ENSA: variants seen among roughly 807,000 people sequenced by gnomAD.
The protein encoded by ENSA is endosulfine alpha.
ENSA carries 7 observed loss-of-function variants against 16.8 expected under a neutral mutation model. The ratio of observed to expected loss-of-function variants is 0.42; its 90% CI spans 0.24 to 0.78. ENSA has a LOEUF of 0.78. Among genes scored for constraint, ENSA ranks in the 30% least tolerant of loss-of-function variants. The pLI is 0.29. For missense variants in ENSA, 87 were observed against 142.3 expected (o/e 0.61, Z 1.98); for synonymous variants, 58 against 53.4 (o/e 1.09, Z -0.37).
chr1:150,626,570 T>G, intron 2 of ENSA: 1 of 1,536,278 alleles, frequency 6.5e-7, no homozygotes, highest in Non-Finnish European at 8.9e-7. Flanking sequence ...AAAAAATTTT[T>G]TTTTGAGATG....
In ENSA at chr1:150,625,795, TCAAAGTA is replaced by T. The variant is rs1345506572; in HGVS notation, c.190_196del (p.Tyr64ThrfsTer12). ...TTTGGCCATGTTGTAGTCTCCTGAG[TCAAAGTA>T]CTTTTGCTAAGAGATAAGAGGGAGG... On this transcript the variant is annotated frameshift_variant, in exon 3 of 4. Transcript: ENST00000369014. LOFTEE classifies it high-confidence loss of function. 1 of 1,603,112 alleles carries T rather than the reference TCAAAGTA, an allele frequency of 6.2e-7. No individual in the cohort carries two copies. Among genetic ancestry groups the T allele is most frequent in the Non-Finnish European group, 8.5e-7 (1 of 1,174,238 alleles).
At chr1:150,627,108 G>A in intron 2 of ENSA, 3 of 1,399,596 alleles carry the variant, frequency 2.1e-6, no homozygotes, top group Non-Finnish European at 2.8e-6. Context: ...CTGAAATGAT[G>A]CATCCCAAAA....
chr1:150,623,068 C>A (rs764601418), intron 3 of ENSA, among the ~76,000 whole-genome samples: 2 of 152,150 alleles, frequency 1.3e-5, no homozygotes, highest in Non-Finnish European at 2.9e-5. Flanking sequence ...CACGAAACAA[C>A]GTTATCTGCC....
In ENSA at chr1:150,627,451, A is replaced by G; in HGVS notation, c.183+16T>C. ...TTTAGCTCCAAAGAAAGAGGGTAAG[A>G]GACTATGCCCCATACCCCTTTCTGG... On this transcript the variant is annotated intron_variant, in intron 2 of 3. Coordinates refer to ENST00000369014, the MANE Select transcript of ENSA (RefSeq NM_004436.4). 6.2e-7 allele frequency: 1 copy of G among 1,614,244 alleles called. No homozygotes were observed. The highest frequency in any genetic ancestry group is 8.5e-7 in the Non-Finnish European group (1 of 1,180,048).
At chr1:150,624,900 T>C (rs587673973) in intron 3 of ENSA, 2 of 968,608 alleles carry the variant, frequency 2.1e-6, no homozygotes, top group Admixed American at 6.1e-5. Flanking sequence ...ACAACAGCTC[T>C]GCTGGGACTG....
chr1:150,626,643 G>A (rs1395923102), intron 2 of ENSA: 34 of 690,080 alleles, frequency 4.9e-5, no homozygotes, highest in Non-Finnish European at 7.3e-5. Context: ...TGCAAGCTCC[G>A]CCTCCCGGGT....
intron 2 of ENSA, chr1:150,627,079 G>A: frequency 2.2e-6 from 3 of 1,335,116 alleles, no homozygotes; most frequent in Non-Finnish European, 2.9e-6. Context: ...TTCTGTAGGA[G>A]AGATGGTTTG....
intron 2 of ENSA, among the ~76,000 whole-genome samples, chr1:150,626,282 AG>A (rs1445213928): frequency 6.6e-6 from 1 of 152,222 alleles, no homozygotes; most frequent in Non-Finnish European, 1.5e-5. Context: ...CTCCCAGACC[AG>A]GAATAGAAAC....
intron 1 of ENSA, 44 bp downstream of exon 1, chr1:150,629,370 T>C: frequency 6.2e-7 from 1 of 1,600,952 alleles, no homozygotes; most frequent in African/African-American, 1.3e-5. Flanking sequence ...TCCCGCCCCA[T>C]CACGGTCTCC....
At position 150,624,933 on chromosome 1, in the gene ENSA, C is replaced by T. The variant is rs1649198676; in HGVS notation, c.350+709G>A. On this transcript the variant is annotated intron_variant, in intron 3 of 3. Coordinates refer to ENST00000369014, the MANE Select transcript of ENSA (RefSeq NM_004436.4). ...CTGAGTAGAGTGAGAACCCAGATAT[C>T]TTGACTCCTAAACCAGTGCTCGTCC... The T allele has an allele frequency of 6.1e-6, 6 of 980,978 alleles. No individual in the cohort carries two copies. The South Asian group carries it at 2.4e-4, about 39-fold the overall frequency. 60.8% of individuals were successfully genotyped at this position (980,978 alleles called of 1,614,324 possible).
intron 2 of ENSA, among the ~76,000 whole-genome samples, chr1:150,626,086 A>G (rs760479390): frequency 6.6e-6 from 1 of 152,204 alleles, no homozygotes; most frequent in Non-Finnish European, 1.5e-5. Context: ...TTTGTACTCC[A>G]CTCAGTAGAG....
chr1:150,628,951 C>G, intron 1 of ENSA: 2 of 1,174,412 alleles, frequency 1.7e-6, no homozygotes, highest in Non-Finnish European at 1.3e-6. Context: ...ATTATAATAA[C>G]TACACTTCTC....
At position 150,624,853 on chromosome 1, in the gene ENSA, G is replaced by T. The variant is rs587597954; in HGVS notation, c.350+789C>A. On this transcript the variant is annotated intron_variant, in intron 3 of 3. Transcript: ENST00000369014. The stretch of plus-strand genomic sequence containing the variant: ...ACTCTATTTTACAGATGAGGAAATA[G>T]AAATCCAGAGAGGCTAAATGACTTA... The T allele has an allele frequency of 2.2e-5, 21 of 975,032 alleles. No homozygotes were observed. In the South Asian group the frequency reaches 9.5e-4, roughly 44 times the overall value. 60.4% of individuals were successfully genotyped at this position (975,032 alleles called of 1,614,324 possible). A position where few individuals can be genotyped will look rare whatever the true frequency, so the allele number is the denominator to read the frequency against.
chr1:150,626,754 C>A (rs974439761), intron 2 of ENSA, among the ~76,000 whole-genome samples: 3 of 152,164 alleles, frequency 2.0e-5, no homozygotes, highest in African/African-American at 7.2e-5. Flanking sequence ...GACGGGGTTT[C>A]ACTATGGTCT....
chr1:150,623,302 T>G, intron 3 of ENSA: 1 of 991,462 alleles, frequency 1.0e-6, no homozygotes, highest in Non-Finnish European at 1.2e-6. Context: ...GATTTAATAA[T>G]CTAGGTTTAA....
chr1:150,623,364 C>CTA, intron 3 of ENSA: 1 of 986,160 alleles, frequency 1.0e-6, no homozygotes, highest in Non-Finnish European at 1.2e-6. Flanking sequence ...GCTAAGGAAG[C>CTA]TATGTACTTC....
chr1:150,624,149 G>A, intron 3 of ENSA: 3 of 985,384 alleles, frequency 3.0e-6, no homozygotes, highest in Non-Finnish European at 3.6e-6. Flanking sequence ...TGAAGATGCT[G>A]GTCACCTGCA....
intron 3 of ENSA, chr1:150,625,030 T>C: frequency 1.0e-6 from 1 of 985,404 alleles, no homozygotes; most frequent in Non-Finnish European, 1.2e-6. Context: ...CTGTGAATAA[T>C]GTTCATCAAT....
chr1:150,629,036 C>G (rs1437795046), intron 1 of ENSA: 2 of 1,613,430 alleles, frequency 1.2e-6, no homozygotes, highest in Non-Finnish European at 1.7e-6. Flanking sequence ...GCTGCGGGCC[C>G]CAGCCCGGTT....
Sources: allele counts gnomAD v4.1 joint callset (sites outside exome capture counted in the v4.1 genomes callset), GRCh38; gene constraint gnomAD v4.1.1; transcripts MANE v1.5; gene names NCBI Gene and HGNC (gene_info 2026-07-23, HGNC 2026-07-21).